RABGAP1L: variants seen among roughly 807,000 people sequenced by gnomAD.
The protein encoded by RABGAP1L is RAB GTPase activating protein 1 like, also known as rab GTPase-activating protein 1-like.
RABGAP1L carries 63 observed loss-of-function variants against 137.7 expected under a neutral mutation model. The ratio of observed to expected loss-of-function variants is 0.46; its 90% CI spans 0.37 to 0.56. The LOEUF is 0.56. Among genes scored for constraint, RABGAP1L ranks in the 20% least tolerant of loss-of-function variants. The probability of loss-of-function intolerance (pLI) is 0.00; values close to 1 mark genes in which losing one functional copy is unlikely to be tolerated. For synonymous variants in RABGAP1L, 431 were observed against 433.7 expected, an observed-to-expected ratio of 0.99 and a Z score of 0.08; for missense variants, 1,095 against 1,244.0, an observed-to-expected ratio of 0.88 and a Z score of 1.80.
chr1:174,218,562 T>C (rs1669516758), intron 1 of RABGAP1L, among the ~76,000 whole-genome samples: 1 of 152,194 alleles, frequency 6.6e-6, no homozygotes, highest in Admixed American at 6.6e-5. Flanking sequence ...TTTTTGGTGT[T>C]AATAAGTGAT....
intron 13 of RABGAP1L, among the ~76,000 whole-genome samples, chr1:174,567,281 T>C (rs557416066): frequency 2.6e-5 from 4 of 152,206 alleles, no homozygotes; most frequent in Admixed American, 6.5e-5. Flanking sequence ...TTATTTTCCT[T>C]CTATATCTGC....
At chr1:174,666,129 C>T (rs1676768361) in intron 14 of RABGAP1L, among the ~76,000 whole-genome samples, 1 of 152,144 alleles carries the variant, frequency 6.6e-6, no homozygotes, top group Non-Finnish European at 1.5e-5. Context: ...GAGAACAGAT[C>T]TCTTCTTAGT....
At chr1:174,280,695 G>A (rs555506853) in intron 10 of RABGAP1L, among the ~76,000 whole-genome samples, 73 of 152,358 alleles carry the variant, frequency 4.8e-4, no homozygotes, top group African/African-American at 1.7e-3. Context: ...GGAGCAAGGA[G>A]AGCACTTAAC....
At chr1:174,705,032 G>A (rs192788837) in intron 17 of RABGAP1L, among the ~76,000 whole-genome samples, 1 of 152,156 alleles carries the variant, frequency 6.6e-6, no homozygotes, top group Admixed American at 6.5e-5. Context: ...CAGTTTTTGA[G>A]TTATATATAG....
At chr1:174,703,148 A>T (rs750344597) in intron 17 of RABGAP1L, among the ~76,000 whole-genome samples, 6 of 152,174 alleles carry the variant, frequency 3.9e-5, no homozygotes, top group Non-Finnish European at 7.4e-5. Context: ...TTTAAGGGGT[A>T]CAAGTGATGT....
At position 174,530,584 on chromosome 1, in the gene RABGAP1L, C is replaced by T. The variant is rs927257025; in HGVS notation, c.1711-106791C>T. 2.6e-5 allele frequency among the ~76,000 whole-genome samples: 4 copies of T among 152,258 alleles called. No homozygotes were observed. The East Asian group carries it at 7.7e-4, about 29-fold the overall frequency. ...GGATCTTTCAATTACCTTTTCCCCA[C>T]ATTGGGGAGTAGCTCTCAGCTCCCT... On this transcript the variant is annotated intron_variant, in intron 13 of 25. Coordinates refer to ENST00000681986, the MANE Select transcript of RABGAP1L (RefSeq NM_001366446.1).
At chr1:174,582,414 G>A (rs1426490482) in intron 13 of RABGAP1L, among the ~76,000 whole-genome samples, 1 of 152,074 alleles carries the variant, frequency 6.6e-6, no homozygotes, top group Non-Finnish European at 1.5e-5. Context: ...CAGGCAAGAG[G>A]TATTCTGGAG....
intron 10 of RABGAP1L, among the ~76,000 whole-genome samples, chr1:174,294,796 G>GA (rs1305262350): frequency 1.3e-5 from 2 of 152,124 alleles, no homozygotes; most frequent in East Asian, 3.9e-4. Context: ...GAGGTTGAGG[G>GA]AAAGGAAGAA....
chr1:174,943,711 T>A (rs1417630283), intron 19 of RABGAP1L, among the ~76,000 whole-genome samples: 1 of 151,760 alleles, frequency 6.6e-6, no homozygotes, highest in African/African-American at 2.4e-5. Context: ...CGGGCACCTG[T>A]AATCCCAGCT....
At chr1:174,375,015 T>A (rs1307906288) in intron 12 of RABGAP1L, among the ~76,000 whole-genome samples, 1 of 152,126 alleles carries the variant, frequency 6.6e-6, no homozygotes, top group East Asian at 1.9e-4. Flanking sequence ...TTAGATGAAA[T>A]TTAGTTAAAA....
intron 13 of RABGAP1L, among the ~76,000 whole-genome samples, chr1:174,403,863 G>A (rs1193625217): frequency 1.3e-5 from 2 of 148,338 alleles, no homozygotes; most frequent in Non-Finnish European, 3.0e-5. Context: ...ATTTGACTTT[G>A]TATTGGTTAT....
At chr1:174,638,449 T>C (rs1674243399) in intron 14 of RABGAP1L, among the ~76,000 whole-genome samples, 1 of 152,072 alleles carries the variant, frequency 6.6e-6, no homozygotes, top group Admixed American at 6.6e-5. Context: ...GACTGTAAAC[T>C]AGTTCAACCA....
intron 17 of RABGAP1L, among the ~76,000 whole-genome samples, chr1:174,749,760 A>G (rs375103412): frequency 3.9e-5 from 6 of 152,204 alleles, no homozygotes; most frequent in African/African-American, 1.2e-4. Context: ...CTCTCAGCCA[A>G]TCTCTTCAGG....
intron 15 of RABGAP1L, among the ~76,000 whole-genome samples, chr1:174,687,081 T>C (rs999972366): frequency 3.3e-5 from 5 of 152,172 alleles, no homozygotes; most frequent in African/African-American, 1.2e-4. Context: ...CTGTTTTGGA[T>C]TTGACAGAAG....
At chr1:174,661,566 T>C (rs1676370472) in intron 14 of RABGAP1L, among the ~76,000 whole-genome samples, 1 of 152,242 alleles carries the variant, frequency 6.6e-6, no homozygotes, top group Admixed American at 6.5e-5. Flanking sequence ...TTCCTAAAAC[T>C]AATAATTCAT....
intron 11 of RABGAP1L, among the ~76,000 whole-genome samples, chr1:174,307,535 A>G (rs1678410043): frequency 6.6e-6 from 1 of 152,148 alleles, no homozygotes; most frequent in Non-Finnish European, 1.5e-5. Context: ...TGCATAATTC[A>G]TATAAATGGA....
At chr1:174,655,394 C>T (rs1466920273) in intron 14 of RABGAP1L, among the ~76,000 whole-genome samples, 2 of 152,048 alleles carry the variant, frequency 1.3e-5, no homozygotes, top group African/African-American at 4.8e-5. Context: ...TTTTGAATAT[C>T]CCTCAATTTG....
intron 13 of RABGAP1L, among the ~76,000 whole-genome samples, chr1:174,635,106 A>G (rs933113418): frequency 1.3e-5 from 2 of 152,038 alleles, no homozygotes; most frequent in African/African-American, 2.4e-5. Flanking sequence ...GTGTTAGGCA[A>G]ATTTACTCTC....
chr1:174,942,598 A>C (rs1666079784), intron 19 of RABGAP1L, among the ~76,000 whole-genome samples: 1 of 152,184 alleles, frequency 6.6e-6, no homozygotes, highest in South Asian at 2.1e-4. Context: ...TCTTCTGTAA[A>C]ATGAAGATGA....
Sources: gnomAD v4.1 joint callset for allele counts (sites outside exome capture counted in the v4.1 genomes callset) on GRCh38, gnomAD v4.1.1 for gene constraint, MANE v1.5 for transcripts, NCBI Gene and HGNC (gene_info 2026-07-23, HGNC 2026-07-21) for gene names.